Variants in PPP6R2 observed in about 807,000 individuals in gnomAD.
The protein encoded by PPP6R2 is protein phosphatase 6 regulatory subunit 2.
A neutral mutation model predicts 100.2 loss-of-function variants in PPP6R2; 62 were observed. The ratio of observed to expected loss-of-function variants is 0.62; its 90% CI spans 0.50 to 0.76. PPP6R2 has a LOEUF of 0.76. Among genes scored for constraint, PPP6R2 ranks in the 30% least tolerant of loss-of-function variants. The pLI, the probability that PPP6R2 is intolerant of heterozygous loss-of-function variation, is 0.00. For missense variants in PPP6R2, 1,142 were observed against 1,276.3 expected (o/e 0.89, Z 1.60); for synonymous variants, 525 against 514.7 (o/e 1.02, Z -0.27).
chr22:50,407,136 C>T (rs2059080336), intron 4 of PPP6R2, among the ~76,000 whole-genome samples: 1 of 152,090 alleles, frequency 6.6e-6, no homozygotes, highest in Non-Finnish European at 1.5e-5. Flanking sequence ...CACTTGAGGT[C>T]AGGAGTTCAA....
At chr22:50,390,872 G>A (rs929924287) in intron 2 of PPP6R2, among the ~76,000 whole-genome samples, 15 of 149,974 alleles carry the variant, frequency 1.0e-4, no homozygotes, top group South Asian at 2.1e-4. Flanking sequence ...GGTGGCACAC[G>A]CCTGTAATCC....
intron 1 of PPP6R2, among the ~76,000 whole-genome samples, chr22:50,363,268 A>G (rs2048136831): frequency 6.6e-6 from 1 of 151,836 alleles, no homozygotes; most frequent in Non-Finnish European, 1.5e-5. Flanking sequence ...CCTTCCTTAC[A>G]CTTAGCATCT....
At chr22:50,394,161 A>G (rs1182332722) in intron 3 of PPP6R2, 26 bp downstream of exon 3, 2 of 1,609,214 alleles carry the variant, frequency 1.2e-6, no homozygotes, top group South Asian at 1.1e-5. Flanking sequence ...GTGACGGGCC[A>G]GTACGCCAGG....
upstream of PPP6R2, among the ~76,000 whole-genome samples, chr22:50,339,236 C>T (rs576749597): frequency 4.7e-4 from 34 of 72,178 alleles, no homozygotes; most frequent in African/African-American, 1.7e-3. Context: ...GGTGTGTTTA[C>T]GGTGTGTGTT....
intron 6 of PPP6R2, among the ~76,000 whole-genome samples, chr22:50,418,446 T>C (rs553733726): frequency 6.3e-4 from 96 of 151,698 alleles, no homozygotes; most frequent in African/African-American, 2.2e-3. Flanking sequence ...AGTGCAGTGG[T>C]GCGATCTTGG....
intron 3 of PPP6R2, among the ~76,000 whole-genome samples, chr22:50,405,369 C>T (rs1307327041): frequency 7.6e-6 from 1 of 131,882 alleles, no homozygotes; most frequent in East Asian, 2.7e-4. Flanking sequence ...AGGTGAGAGG[C>T]CTGGAGAGAG....
rs186043912 is a variant in PPP6R2, at chr22:50,426,573, G to A, written c.1125+2959G>A. 8.9e-4 allele frequency among the ~76,000 whole-genome samples: 135 copies of A among 152,226 alleles called. 1 individual carries two copies. Among genetic ancestry groups the A allele is most frequent in the African/African-American group, 2.9e-3 (120 of 41,536 alleles). ...TCCTAGGCCGGGCACGGTGGTTCAC[G>A]CCTGTAAACCCAGTATTTTGGGAGG... On this transcript the variant is annotated intron_variant, in intron 10 of 23. Coordinates refer to ENST00000612753, the MANE Select transcript of PPP6R2 (RefSeq NM_001242898.2).
the PPP6R2 span, among the ~76,000 whole-genome samples, chr22:50,333,336 TTTC>T: frequency 1.3e-5 from 2 of 151,902 alleles, no homozygotes; most frequent in Non-Finnish European, 2.9e-5. Flanking sequence ...CTTTGTTCTT[TTTC>T]TTTTTTTTTT....
At chr22:50,397,670 G>A (rs372903570) in intron 3 of PPP6R2, among the ~76,000 whole-genome samples, 47 of 92,572 alleles carry the variant, frequency 5.1e-4, no homozygotes, top group African/African-American at 1.4e-3. Context: ...TCTGAGGAGT[G>A]TGACTTGGGA....
At chr22:50,392,558 G>T (rs2055853420) in intron 2 of PPP6R2, among the ~76,000 whole-genome samples, 1 of 152,230 alleles carries the variant, frequency 6.6e-6, no homozygotes, top group African/African-American at 2.4e-5. Context: ...GCTGTCGCGT[G>T]CTGGGGAGCC....
chr22:50,331,569 T>TTG, the PPP6R2 span, among the ~76,000 whole-genome samples: 2 of 151,984 alleles, frequency 1.3e-5, no homozygotes, highest in African/African-American at 4.8e-5. Flanking sequence ...CCTAAGTCAT[T>TTG]TGTGTTAGCT....
At chr22:50,388,553 G>A (rs1041905414) in intron 2 of PPP6R2, among the ~76,000 whole-genome samples, 17 of 152,070 alleles carry the variant, frequency 1.1e-4, no homozygotes, top group Non-Finnish European at 2.4e-4. Context: ...TCACAGAGCA[G>A]GACCCTGTCT....
rs186331219 is a variant in PPP6R2, at chr22:50,399,917, T to C, written c.227+5782T>C. Among the ~76,000 whole-genome samples, 3 of 152,370 alleles carry C rather than the reference T, an allele frequency of 2.0e-5. No homozygotes were observed. In the East Asian group the frequency reaches 5.8e-4, roughly 29 times the overall value. ...CCCTAGAGCCTGGGGATGCTCCTGG[T>C]CTTTTCGTGAGCTCTTGTCTAGTTT... is the stretch of plus-strand genomic sequence containing the variant. On this transcript the variant is annotated intron_variant, in intron 3 of 23. Coordinates refer to ENST00000612753, the MANE Select transcript of PPP6R2 (RefSeq NM_001242898.2).
At chr22:50,443,537 T>C (rs899900638) in intron 22 of PPP6R2, 9 of 323,186 alleles carry the variant, frequency 2.8e-5, no homozygotes, top group Non-Finnish European at 4.6e-5. Flanking sequence ...CTGTGTCCAG[T>C]GTGAGGCTGA....
At position 50,393,948 on chromosome 22, in the gene PPP6R2, G is replaced by A. The variant is rs2056189873; in HGVS notation, c.40G>A (p.Asp14Asn). The A allele has an allele frequency of 3.1e-6, 5 of 1,614,080 alleles. No homozygotes were observed. Among genetic ancestry groups the A allele is most frequent in the Non-Finnish European group, 4.2e-6 (5 of 1,180,048 alleles). Residue 14 changes from aspartate to asparagine, a missense_variant, in exon 3 of 24, where the codon GAC (aspartate) becomes AAC (asparagine). Physicochemically the swap from Asp to Asn is conservative, Grantham distance 23. Coordinates refer to ENST00000612753, the MANE Select transcript of PPP6R2 (RefSeq NM_001242898.2). Reference sequence around the variant, plus strand: ...TGACTTGAACACCACGTCCCATGTTGACAAGCTGCTGGACAAGGAGCATGT... The same window carrying A: ...TGACTTGAACACCACGTCCCATGTTAACAAGCTGCTGGACAAGGAGCATGT... The part of the protein sequence containing the change: ...KFDLNTTSHV[D>N]KLLDKEHVTL...
At chr22:50,369,308 G>T (rs565992199) in intron 1 of PPP6R2, among the ~76,000 whole-genome samples, 1 of 149,622 alleles carries the variant, frequency 6.7e-6, no homozygotes, top group African/African-American at 2.5e-5. Flanking sequence ...TGGGCTGAAA[G>T]CCTATTTTGA....
chr22:50,360,331 G>A (rs925908638), intron 1 of PPP6R2, among the ~76,000 whole-genome samples: 3 of 150,520 alleles, frequency 2.0e-5, no homozygotes, highest in South Asian at 2.1e-4. Context: ...GATTATAGGC[G>A]TGAGCCACCA....
chr22:50,338,878 T>G (rs1301468589), upstream of PPP6R2, among the ~76,000 whole-genome samples: 1 of 138,638 alleles, frequency 7.2e-6, no homozygotes, highest in Non-Finnish European at 1.5e-5. Flanking sequence ...GTATGTAGTG[T>G]GTGTGTTATG....
chr22:50,374,743 G>A (rs1412148536), intron 2 of PPP6R2, among the ~76,000 whole-genome samples: 2 of 151,886 alleles, frequency 1.3e-5, no homozygotes, highest in African/African-American at 2.4e-5. Context: ...GTGAAACCCC[G>A]TGTCTACTAA....
Sources: gnomAD v4.1 joint callset for allele counts (sites outside exome capture counted in the v4.1 genomes callset) on GRCh38, gnomAD v4.1.1 for gene constraint, MANE v1.5 for transcripts, NCBI Gene and HGNC (gene_info 2026-07-23, HGNC 2026-07-21) for gene names.